The following NAV2 variants were observed in gnomAD, a reference collection of about 807,000 sequenced individuals.
The protein encoded by NAV2 is neuron navigator 2, also known as helicase, APC down-regulated 1.
NAV2 carries 54 observed loss-of-function variants against 223.2 expected under a neutral mutation model. The ratio of observed to expected loss-of-function variants is 0.24; its 90% CI spans 0.19 to 0.30. The LOEUF (loss-of-function observed/expected upper bound fraction) is 0.30. NAV2 is among the 10% of genes least tolerant of loss of function. NAV2 has a pLI of 1.00. For synonymous variants in NAV2, 1,279 were observed against 1,239.3 expected (o/e 1.03, Z -0.67); for missense variants, 2,806 against 3,147.5 (o/e 0.89, Z 2.60).
At chr11:19,777,418 TC>T (rs397781787) in intron 1 of NAV2, 151 of 433,022 alleles carry the variant, frequency 3.5e-4, no homozygotes, top group South Asian at 2.3e-3. Context: ...TTTTTTTTTT[TC>T]CCCTCCTCCT....
At chr11:19,417,122 T>G (rs1850404516) in intron 1 of NAV2, among the ~76,000 whole-genome samples, 1 of 152,180 alleles carries the variant, frequency 6.6e-6, no homozygotes, top group African/African-American at 2.4e-5. Flanking sequence ...AAAGAGCTTC[T>G]GCACAGCAAA....
intron 11 of NAV2, among the ~76,000 whole-genome samples, chr11:19,984,865 G>A (rs2050630477): frequency 6.6e-6 from 1 of 152,184 alleles, no homozygotes; most frequent in Non-Finnish European, 1.5e-5. Flanking sequence ...TTCTTACTCT[G>A]ACAAACTGAT....
chr11:19,554,515 C>A (rs962587542), intron 1 of NAV2, among the ~76,000 whole-genome samples: 1 of 152,174 alleles, frequency 6.6e-6, no homozygotes, highest in Admixed American at 6.5e-5. Flanking sequence ...CTAGTAGAGG[C>A]GCCTCAAGGA....
At chr11:19,609,858 T>C (rs941355934) in intron 1 of NAV2, among the ~76,000 whole-genome samples, 2 of 152,246 alleles carry the variant, frequency 1.3e-5, no homozygotes, top group African/African-American at 4.8e-5. Context: ...GTGCCAAGAC[T>C]GGACCTCTGT....
intron 1 of NAV2, among the ~76,000 whole-genome samples, chr11:19,413,549 C>T (rs562993182): frequency 4.0e-4 from 61 of 152,232 alleles, no homozygotes; most frequent in South Asian, 1.0e-3. Context: ...AACAGGCCAA[C>T]GTTCAAATTC....
chr11:19,358,208 C>T (rs541494714), intron 1 of NAV2, among the ~76,000 whole-genome samples: 2 of 152,134 alleles, frequency 1.3e-5, no homozygotes, highest in South Asian at 2.1e-4. Flanking sequence ...AGAGGAGATG[C>T]GGATGGCAGA....
intron 5 of NAV2, among the ~76,000 whole-genome samples, chr11:19,888,590 C>T (rs902427391): frequency 6.6e-6 from 1 of 152,206 alleles, no homozygotes; most frequent in Non-Finnish European, 1.5e-5. Context: ...CTCTCAGCCT[C>T]CTTAATTAAC....
chr11:19,850,472 A>ATG (rs1042894888), intron 3 of NAV2, among the ~76,000 whole-genome samples: 1 of 151,936 alleles, frequency 6.6e-6, no homozygotes, highest in African/African-American at 2.4e-5. Flanking sequence ...GCTGGCCTGA[A>ATG]TGTGTGTGTG....
At chr11:19,761,118 C>T (rs2054702889) in intron 1 of NAV2, among the ~76,000 whole-genome samples, 1 of 152,066 alleles carries the variant, frequency 6.6e-6, no homozygotes, top group Non-Finnish European at 1.5e-5. Context: ...TCACTCAGAC[C>T]AGGACAACAC....
rs759037596 is a variant in NAV2 at position 20,012,879 on chromosome 11, G to A, written c.2769-23080G>A. 1.6e-4 allele frequency among the ~76,000 whole-genome samples: 24 copies of A among 152,270 alleles called. No individual in the cohort carries two copies. In the Middle Eastern group the frequency reaches 0.01, roughly 65 times the overall value. On this transcript the variant is annotated intron_variant, in intron 11 of 37. Transcript: ENST00000349880. ...TGGGCTTTGAAATCAGAAGCCTGGG[G>A]GCTTACCAGCAGTGTGGCCTTGGGC...
intron 1 of NAV2, among the ~76,000 whole-genome samples, chr11:19,744,194 G>T (rs184664100): frequency 1.3e-5 from 2 of 152,128 alleles, no homozygotes; most frequent in African/African-American, 4.8e-5. Context: ...CTGCCTCTAG[G>T]GCTTGCCTTT....
intron 1 of NAV2, among the ~76,000 whole-genome samples, chr11:19,497,071 A>T (rs2042819373): frequency 6.6e-6 from 1 of 152,174 alleles, no homozygotes; most frequent in Non-Finnish European, 1.5e-5. Context: ...TAAAGATAGT[A>T]CCCATCCCAG....
chr11:19,831,904 G>A (rs912118680), intron 1 of NAV2, among the ~76,000 whole-genome samples: 3 of 152,170 alleles, frequency 2.0e-5, no homozygotes, highest in African/African-American at 7.2e-5. Flanking sequence ...AAATTAAACC[G>A]ATTAAATTTG....
intron 1 of NAV2, among the ~76,000 whole-genome samples, chr11:19,688,901 G>T (rs771859444): frequency 1.3e-5 from 2 of 152,230 alleles, no homozygotes; most frequent in East Asian, 3.9e-4. Context: ...CCCTTTCACT[G>T]CACAAAGAGC....
At chr11:19,692,517 G>A (rs1428700438) in intron 1 of NAV2, among the ~76,000 whole-genome samples, 1 of 152,138 alleles carries the variant, frequency 6.6e-6, no homozygotes, top group Non-Finnish European at 1.5e-5. Context: ...GGTATTTTCT[G>A]GTAAAGCAAA....
At chr11:19,535,855 G>C (rs2134471476) in intron 1 of NAV2, among the ~76,000 whole-genome samples, 1 of 152,306 alleles carries the variant, frequency 6.6e-6, no homozygotes, top group Middle Eastern at 3.4e-3. Flanking sequence ...GTGCCTCCCA[G>C]GGTTGAGTAT....
At chr11:20,025,712 G>C (rs1423198782) in intron 11 of NAV2, among the ~76,000 whole-genome samples, 1 of 152,168 alleles carries the variant, frequency 6.6e-6, no homozygotes, top group Admixed American at 6.5e-5. Flanking sequence ...TTTTTTATGC[G>C]GTTTGTGTTT....
chr11:19,627,860 G>A (rs541150863), intron 1 of NAV2, among the ~76,000 whole-genome samples: 3 of 150,650 alleles, frequency 2.0e-5, no homozygotes, highest in Admixed American at 2.0e-4. Context: ...CCTCTCCCTG[G>A]GTGTGCCACC....
rs368596584 is a variant in NAV2, at chr11:19,944,962, C to T, written c.2147-1439C>T. Among the ~76,000 whole-genome samples, 16 of 144,216 alleles carry T rather than the reference C, an allele frequency of 1.1e-4. 1 individual carries two copies. The South Asian group carries it at 1.5e-3, about 14-fold the overall frequency. 94.6% of individuals were successfully genotyped at this position (144,216 alleles called of 152,430 possible). On this transcript the variant is annotated intron_variant, in intron 8 of 37. Transcript: ENST00000349880. The stretch of plus-strand genomic sequence containing the variant: ...CCTTTCCCCTTTCCTCTTTCCTTTC[C>T]GTTCCGTTCCTTTTCTTTCCCTTTC...
Sources: allele counts gnomAD v4.1 joint callset (sites outside exome capture counted in the v4.1 genomes callset), GRCh38; gene constraint gnomAD v4.1.1; transcripts MANE v1.5; gene names NCBI Gene and HGNC (gene_info 2026-07-23, HGNC 2026-07-21).